BIN2: variants seen among roughly 807,000 people sequenced by gnomAD.
The protein encoded by BIN2 is breast cancer associated protein BRAP1.
Under a neutral mutation model 67.9 loss-of-function variants are expected in BIN2, and 43 were observed. The ratio of observed to expected loss-of-function variants is 0.63; its 90% CI spans 0.50 to 0.82. BIN2 has a LOEUF of 0.82. BIN2 is among the 40% of genes least tolerant of loss of function. The pLI, the probability that BIN2 is intolerant of heterozygous loss-of-function variation, is 0.00. For synonymous variants in BIN2, 244 were observed against 246.8 expected, an observed-to-expected ratio of 0.99 and a Z score of 0.11; for missense variants, 581 against 671.6, an observed-to-expected ratio of 0.87 and a Z score of 1.49.
chr12:51,317,785 G>A (rs1205604150), intron 1 of BIN2, among the ~76,000 whole-genome samples: 3 of 151,988 alleles, frequency 2.0e-5, no homozygotes, highest in Admixed American at 6.6e-5. Context: ...TCAGGAGATC[G>A]AGACCATCTT....
intron 10 of BIN2, among the ~76,000 whole-genome samples, chr12:51,288,418 A>G (rs1945297315): frequency 6.6e-6 from 1 of 152,110 alleles, no homozygotes; most frequent in Admixed American, 6.6e-5. Context: ...CATTGCTCAC[A>G]TGTCACCGCT....
At chr12:51,287,803 C>T (rs1945275933) in intron 11 of BIN2, among the ~76,000 whole-genome samples, 1 of 152,030 alleles carries the variant, frequency 6.6e-6, no homozygotes, top group Non-Finnish European at 1.5e-5. Context: ...AGGCACCCGC[C>T]ACCACACCCG....
At chr12:51,284,419 T>C (rs1358424659) in intron 12 of BIN2, among the ~76,000 whole-genome samples, 1 of 152,148 alleles carries the variant, frequency 6.6e-6, no homozygotes, top group Non-Finnish European at 1.5e-5. Flanking sequence ...AATATGACCT[T>C]TTTGCATTTA....
At chr12:51,300,206 G>A (rs1592265707) in intron 5 of BIN2, among the ~76,000 whole-genome samples, 1 of 152,222 alleles carries the variant, frequency 6.6e-6, no homozygotes, top group East Asian at 1.9e-4. Flanking sequence ...GAATGGGGGA[G>A]TCTCAGAGGG....
At chr12:51,314,049 T>C in intron 1 of BIN2, 146 bp from the exon 2 acceptor site, 1 of 275,518 alleles carries the variant, frequency 3.6e-6, no homozygotes, top group Non-Finnish European at 6.4e-6. Flanking sequence ...TATTTATTTA[T>C]TTATTTATTT....
chr12:51,295,577 A>AAAAATAT (rs1945533462), intron 9 of BIN2, among the ~76,000 whole-genome samples: 1 of 29,560 alleles, frequency 3.4e-5, no homozygotes, highest in Non-Finnish European at 6.1e-5. Flanking sequence ...AAAAAAAAAA[A>AAAAATAT]ATATATATAT....
chr12:51,293,469 C>A (rs2137365400), intron 9 of BIN2, among the ~76,000 whole-genome samples: 1 of 152,220 alleles, frequency 6.6e-6, no homozygotes, highest in African/African-American at 2.4e-5. Context: ...GCCACCATGC[C>A]CAGCTAATTT....
chr12:51,299,171 C>T (rs193252005), intron 7 of BIN2, 32 bp downstream of exon 7: 1 of 1,526,696 alleles, frequency 6.6e-7, no homozygotes, highest in Non-Finnish European at 9.1e-7. Flanking sequence ...TTGTGTGAAG[C>T]AAAGGCACCT....
At chr12:51,291,498 G>A (rs1565672151) in intron 10 of BIN2, 93 bp downstream of exon 10, 10 of 1,265,860 alleles carry the variant, frequency 7.9e-6, no homozygotes, top group Admixed American at 2.4e-5. Flanking sequence ...AGCTGTGATC[G>A]CACCACTACA....
chr12:51,305,560 G>A (rs1945845052), intron 2 of BIN2, among the ~76,000 whole-genome samples: 1 of 150,746 alleles, frequency 6.6e-6, no homozygotes, highest in African/African-American at 2.4e-5. Flanking sequence ...GGAGGCAGAG[G>A]TTGCAGTGAG....
At chr12:51,317,838 A>G (rs1946173088) in intron 1 of BIN2, among the ~76,000 whole-genome samples, 1 of 152,028 alleles carries the variant, frequency 6.6e-6, no homozygotes, top group African/African-American at 2.4e-5. Context: ...AACACAAAAA[A>G]TTAGCCAGGC....
intron 2 of BIN2, among the ~76,000 whole-genome samples, chr12:51,309,826 TCTTAC>T (rs1205928662): frequency 6.6e-6 from 1 of 152,212 alleles, no homozygotes; most frequent in African/African-American, 2.4e-5. Flanking sequence ...CTTCTTCTTC[TCTTAC>T]CTTTTCTACC....
intron 3 of BIN2, 104 bp from the exon 4 acceptor site, chr12:51,302,884 GA>G: frequency 8.3e-7 from 1 of 1,199,980 alleles, no homozygotes; most frequent in African/African-American, 1.5e-5. Context: ...GACAAACTCA[GA>G]AGGTTTAGGT....
intron 10 of BIN2, among the ~76,000 whole-genome samples, chr12:51,288,917 T>G (rs1346645124): frequency 6.6e-6 from 1 of 151,908 alleles, no homozygotes; most frequent in Non-Finnish European, 1.5e-5. Flanking sequence ...CCCAACAAAC[T>G]TTTTGTATTT....
intron 6 of BIN2, 46 bp downstream of exon 6, chr12:51,299,561 G>A (rs748751315): frequency 6.4e-7 from 1 of 1,562,376 alleles, no homozygotes; most frequent in South Asian, 1.1e-5. Flanking sequence ...TGGGGAGAAG[G>A]AGAACAGGAA....
At chr12:51,289,030 G>A (rs942433279) in intron 10 of BIN2, among the ~76,000 whole-genome samples, 6 of 152,040 alleles carry the variant, frequency 3.9e-5, no homozygotes, top group African/African-American at 1.2e-4. Context: ...TTACAGGCGT[G>A]AGCCACTGCG....
intron 1 of BIN2, among the ~76,000 whole-genome samples, chr12:51,323,677 G>C (rs1050585554): frequency 3.9e-5 from 6 of 152,224 alleles, no homozygotes; most frequent in African/African-American, 1.4e-4. Context: ...TGGATTGCTA[G>C]CACAAAATTT....
At chr12:51,296,046 G>A (rs995152484) in intron 8 of BIN2, among the ~76,000 whole-genome samples, 168 bp from the exon 9 acceptor site, 4 of 151,804 alleles carry the variant, frequency 2.6e-5, no homozygotes, top group Admixed American at 2.0e-4. Context: ...GTCCTGTCCC[G>A]CCACCCCCTC....
intron 2 of BIN2, among the ~76,000 whole-genome samples, chr12:51,305,485 A>T (rs1945843583): frequency 6.7e-6 from 1 of 149,782 alleles, no homozygotes; most frequent in African/African-American, 2.5e-5. Flanking sequence ...TTAGCCAGGC[A>T]TGGTGGCACG....
Sources: gnomAD v4.1 joint callset for allele counts (sites outside exome capture counted in the v4.1 genomes callset) on GRCh38, gnomAD v4.1.1 for gene constraint, MANE v1.5 for transcripts, NCBI Gene and HGNC (gene_info 2026-07-23, HGNC 2026-07-21) for gene names.